The following TCF4 variants were observed in gnomAD, a reference collection of about 807,000 sequenced individuals.
TCF4 encodes SL3-3 enhancer factor 2.
In TCF4, 3 loss-of-function variants were observed where a neutral mutation model predicts 82.1. That is an observed-to-expected ratio of 0.04 (90% confidence interval 0.02 to 0.09). TCF4 has a LOEUF of 0.09. TCF4 is among the 10% of genes least tolerant of loss of function. The probability of loss-of-function intolerance (pLI) is 1.00; values close to 1 mark genes in which losing one functional copy is unlikely to be tolerated. For missense variants in TCF4, 518 were observed against 852.7 expected, an observed-to-expected ratio of 0.61 and a Z score of 4.89; for synonymous variants, 276 against 309.6, an observed-to-expected ratio of 0.89 and a Z score of 1.14.
chr18:55,612,688 C>T (rs543686970), intron 2 of TCF4, among the ~76,000 whole-genome samples: 4 of 152,172 alleles, frequency 2.6e-5, no homozygotes, highest in Non-Finnish European at 4.4e-5. Context: ...TAGCCAGGCC[C>T]GGTAATCCCA....
At chr18:55,307,630 C>A (rs73490806) in intron 8 of TCF4, among the ~76,000 whole-genome samples, 321 of 152,188 alleles carry the variant, frequency 2.1e-3, no homozygotes, top group African/African-American at 7.6e-3. Context: ...TCTATGAAAC[C>A]AAAATATTAA....
At chr18:55,600,049 C>T (rs1192089271) in intron 2 of TCF4, among the ~76,000 whole-genome samples, 1 of 151,944 alleles carries the variant, frequency 6.6e-6, no homozygotes, top group Non-Finnish European at 1.5e-5. Flanking sequence ...TAGGAGAAGG[C>T]TGTTTTTTTT....
At chr18:55,406,047 T>C (rs978194771) in intron 5 of TCF4, among the ~76,000 whole-genome samples, 1 of 150,724 alleles carries the variant, frequency 6.6e-6, no homozygotes, top group East Asian at 2.0e-4. Flanking sequence ...ATGACATCAA[T>C]GGGCACCCGT....
In TCF4 at chr18:55,223,363, A is replaced by C. The variant is rs1187862747; in HGVS notation, c.*4672T>G. ...AGCTGTCAATACCTCCAACACTTGG[A>C]AAATGAAATATAGATGCGTTTTACT... On this transcript the variant is annotated 3_prime_UTR_variant, in exon 20 of 20. Transcript: ENST00000354452. The C allele has an allele frequency of 6.6e-6, 1 of 152,662 alleles. No homozygotes were observed. The highest frequency in any genetic ancestry group is 1.5e-5 in the Non-Finnish European group (1 of 68,040). The allele number at this position is 152,662 out of a possible 1,614,324, so 9.5% of individuals were successfully genotyped here.
At chr18:55,277,602 ATTT>A (rs11292069) in intron 9 of TCF4, among the ~76,000 whole-genome samples, 123 of 122,192 alleles carry the variant, frequency 1.0e-3, no homozygotes, top group African/African-American at 1.3e-3. Flanking sequence ...TGTCAACTCA[ATTT>A]TTTTTTTTTT....
intron 3 of TCF4, among the ~76,000 whole-genome samples, chr18:55,468,889 C>CT (rs1480887300): frequency 6.3e-5 from 8 of 126,792 alleles, no homozygotes; most frequent in South Asian, 2.6e-4. Context: ...TCGCCCCCCC[C>CT]CCCCTTGTTC....
intron 6 of TCF4, among the ~76,000 whole-genome samples, chr18:55,380,440 C>T (rs2091702670): frequency 6.6e-6 from 1 of 151,980 alleles, no homozygotes. Flanking sequence ...GCTGACAGGC[C>T]CCAGTGTGTC....
At chr18:55,489,620 AAAC>A (rs2096554680) in intron 3 of TCF4, among the ~76,000 whole-genome samples, 1 of 152,128 alleles carries the variant, frequency 6.6e-6, no homozygotes. Flanking sequence ...ACAAACAAAA[AAAC>A]AAAAGAAACC....
At chr18:55,244,127 GA>G (rs2052264149) in intron 15 of TCF4, among the ~76,000 whole-genome samples, 1 of 152,156 alleles carries the variant, frequency 6.6e-6, no homozygotes, top group African/African-American at 2.4e-5. Context: ...CCCAGGGGAG[GA>G]GGCTTACTTC....
intron 11 of TCF4, chr18:55,264,569 T>C (rs576559214): frequency 6.6e-6 from 1 of 152,244 alleles, no homozygotes; most frequent in Admixed American, 6.5e-5. Flanking sequence ...AGAAATATAT[T>C]TTAATTCTCA....
intron 8 of TCF4, among the ~76,000 whole-genome samples, chr18:55,292,841 G>A (rs1055866257): frequency 2.6e-5 from 4 of 151,552 alleles, no homozygotes; most frequent in Admixed American, 1.3e-4. Flanking sequence ...ATCTTTATAC[G>A]TCTATATTTA....
intron 8 of TCF4, among the ~76,000 whole-genome samples, chr18:55,338,842 G>A (rs2079210712): frequency 6.6e-6 from 1 of 152,142 alleles, no homozygotes. Context: ...ACGAGGCATC[G>A]TCAGGTGAGG....
intron 8 of TCF4, among the ~76,000 whole-genome samples, chr18:55,323,826 G>GAGA (rs1401078831): frequency 6.6e-6 from 1 of 152,162 alleles, no homozygotes; most frequent in Non-Finnish European, 1.5e-5. Flanking sequence ...TTCCCTTATT[G>GAGA]AGAAGGCTTT....
At chr18:55,320,889 A>AG (rs921662552) in intron 8 of TCF4, 1 of 152,616 alleles carries the variant, frequency 6.6e-6, no homozygotes, top group Admixed American at 6.5e-5. Context: ...GAAAAAAAAA[A>AG]TAAACCTCCA....
chr18:55,409,760 C>A (rs2094264401), intron 5 of TCF4, among the ~76,000 whole-genome samples: 1 of 152,076 alleles, frequency 6.6e-6, no homozygotes, highest in Admixed American at 6.5e-5. Context: ...TTGCTGGTTT[C>A]TATTGGCTTA....
At chr18:55,615,118 A>C (rs1472954600) in intron 2 of TCF4, among the ~76,000 whole-genome samples, 1 of 152,150 alleles carries the variant, frequency 6.6e-6, no homozygotes. Flanking sequence ...CAATTTCTAC[A>C]TAGCCTTCTA....
At chr18:55,413,455 C>A (rs1223687477) in intron 5 of TCF4, among the ~76,000 whole-genome samples, 2 of 152,192 alleles carry the variant, frequency 1.3e-5, no homozygotes, top group Non-Finnish European at 2.9e-5. Context: ...GCCAAGCCTG[C>A]TCTTCAAGAT....
At chr18:55,257,201 G>A in intron 14 of TCF4, 114 bp downstream of exon 14, 1 of 1,114,828 alleles carries the variant, frequency 9.0e-7, no homozygotes, top group Non-Finnish European at 1.4e-6. Context: ...TGTGCTTAAT[G>A]CTGACTTAAA....
At chr18:55,516,696 A>G (rs1247776863) in intron 3 of TCF4, among the ~76,000 whole-genome samples, 2 of 152,172 alleles carry the variant, frequency 1.3e-5, no homozygotes, top group African/African-American at 2.4e-5. Flanking sequence ...GGAGAACCTG[A>G]GTCAAGTGTT....
Sources: allele counts gnomAD v4.1 joint callset (sites outside exome capture counted in the v4.1 genomes callset), GRCh38; gene constraint gnomAD v4.1.1; transcripts MANE v1.5; gene names NCBI Gene and HGNC (gene_info 2026-07-23, HGNC 2026-07-21).